FAF2: variants seen among roughly 807,000 people sequenced by gnomAD.
FAF2 encodes FAS-associated factor 2.
FAF2 carries 9 observed loss-of-function variants against 62.3 expected under a neutral mutation model. The observed-to-expected ratio is 0.14, with a 90% CI of 0.09 to 0.25. FAF2 has a LOEUF of 0.25. FAF2 is among the 10% of genes least tolerant of loss of function. The pLI is 1.00. For synonymous variants in FAF2, 202 were observed against 198.0 expected, an observed-to-expected ratio of 1.02 and a Z score of -0.17; for missense variants, 368 against 556.2, an observed-to-expected ratio of 0.66 and a Z score of 3.40.
At chr5:176,476,627 CTTTTTT>C (rs58104178) in intron 1 of FAF2, among the ~76,000 whole-genome samples, 1 of 95,046 alleles carries the variant, frequency 1.1e-5, no homozygotes, top group African/African-American at 4.4e-5. Flanking sequence ...ATTAGAGTCC[CTTTTTT>C]TTTTTTTTTT....
rs566604589 is a variant in FAF2, at chr5:176,452,912, A to G, written c.63+4442A>G. Among the ~76,000 whole-genome samples, 10 of 152,344 alleles carry G rather than the reference A, an allele frequency of 6.6e-5. No homozygotes were observed. In the South Asian group the frequency reaches 2.1e-3, roughly 32 times the overall value. On this transcript the variant is annotated intron_variant, in intron 1 of 10. Coordinates refer to ENST00000261942, the MANE Select transcript of FAF2 (RefSeq NM_014613.3). ...TCCACAGGGGTCAGTACAGAACAGGATGACACTGCTAGGAGTTGGTTCTCA... is the reference window on the plus strand; with the variant it reads ...TCCACAGGGGTCAGTACAGAACAGGGTGACACTGCTAGGAGTTGGTTCTCA...
rs945520606 is a variant in FAF2, at chr5:176,507,585, G to T, written c.*635G>T. 1 of 159,736 alleles carries T rather than the reference G, an allele frequency of 6.3e-6. No individual in the cohort carries two copies. Among genetic ancestry groups the T allele is most frequent in the Admixed American group, 6.5e-5 (1 of 15,370 alleles). 9.9% of individuals were successfully genotyped at this position (159,736 alleles called of 1,614,324 possible). On this transcript the variant is annotated 3_prime_UTR_variant, in exon 11 of 11. Coordinates refer to ENST00000261942, the MANE Select transcript of FAF2 (RefSeq NM_014613.3). ...TTAAACCCATGAGTTTATGCCCTGG[G>T]CTCCTTAGCCCACAATAGTGTAATA...
Position 176,473,076 on chromosome 5 carries a change from A to G in FAF2, c.64-6112A>G, listed in dbSNP as rs535681383. On this transcript the variant is annotated intron_variant, in intron 1 of 10. Transcript: ENST00000261942. Reference sequence around the variant, plus strand: ...TAGTATGGTACACTTGTCAAAATTGATGAACCAATATTGATACACTATTAT... The same window carrying G: ...TAGTATGGTACACTTGTCAAAATTGGTGAACCAATATTGATACACTATTAT... Among the ~76,000 whole-genome samples, 5 of 152,340 alleles carry G rather than the reference A, an allele frequency of 3.3e-5. No homozygotes were observed. The East Asian group carries it at 9.6e-4, about 29-fold the overall frequency.
rs751775026 is a variant in FAF2, at chr5:176,458,408, CTTTTTTTT to C, written c.63+9950_63+9957del. ...CAGAATAATATTTTTCTTTTTCTTC[CTTTTTTTT>C]TTTTTTTTTTTGAGACGGAGTCTCA... On this transcript the variant is annotated intron_variant, in intron 1 of 10. Transcript: ENST00000261942. Among the ~76,000 whole-genome samples, 176 of 86,392 alleles carry C rather than the reference CTTTTTTTT, an allele frequency of 2.0e-3. 1 individual carries two copies. The highest frequency in any genetic ancestry group is 7.4e-3 in the African/African-American group (166 of 22,300). 56.7% of individuals were successfully genotyped at this position (86,392 alleles called of 152,430 possible). A position where few individuals can be genotyped will look rare whatever the true frequency, so the allele number is the denominator to read the frequency against.
chr5:176,457,627 A>G (rs556890381), intron 1 of FAF2, among the ~76,000 whole-genome samples: 79 of 150,492 alleles, frequency 5.2e-4, no homozygotes, highest in Non-Finnish European at 5.6e-4. Context: ...CATAAAACTG[A>G]TTATTTGATT....
chr5:176,485,227 C>T (rs1758855717), intron 2 of FAF2, among the ~76,000 whole-genome samples: 3 of 152,154 alleles, frequency 2.0e-5, no homozygotes, highest in Admixed American at 6.6e-5. Context: ...GTATTGCCAA[C>T]CAGGGAAGCT....
chr5:176,492,364 T>C (rs200942498), intron 5 of FAF2, 32 bp downstream of exon 5: 8 of 1,590,358 alleles, frequency 5.0e-6, no homozygotes, highest in Middle Eastern at 1.7e-4. Flanking sequence ...GATGCCAACT[T>C]ACCGAAATGA....
At chr5:176,461,788 A>G (rs1000851556) in intron 1 of FAF2, among the ~76,000 whole-genome samples, 1 of 152,052 alleles carries the variant, frequency 6.6e-6, no homozygotes, top group African/African-American at 2.4e-5. Flanking sequence ...TACTGTGTAG[A>G]AGCTCTTCAG....
chr5:176,450,761 G>T (rs1758151947), intron 1 of FAF2, among the ~76,000 whole-genome samples: 1 of 152,098 alleles, frequency 6.6e-6, no homozygotes, highest in East Asian at 1.9e-4. Context: ...CACGATGTTG[G>T]CCAGGATGGT....
intron 10 of FAF2, among the ~76,000 whole-genome samples, chr5:176,506,015 C>A (rs565717234): frequency 5.3e-5 from 8 of 151,714 alleles, no homozygotes; most frequent in Non-Finnish European, 1.2e-4. Context: ...ACGGTGAAAC[C>A]CCATCTCTGC....
intron 10 of FAF2, among the ~76,000 whole-genome samples, chr5:176,505,023 GAAAAAA>G (rs571061959): frequency 8.2e-6 from 1 of 122,114 alleles, no homozygotes; most frequent in African/African-American, 3.1e-5. Flanking sequence ...ACCTGTCTGG[GAAAAAA>G]AAAAAAAAAA....
intron 1 of FAF2, among the ~76,000 whole-genome samples, chr5:176,450,556 C>CT (rs772435860): frequency 0.017 from 2,521 of 144,096 alleles, 49 homozygotes; most frequent in African/African-American, 0.042. Context: ...CTGTGGAGAT[C>CT]TTTTTTTTTT....
chr5:176,482,300 C>A (rs1461178965), intron 2 of FAF2, among the ~76,000 whole-genome samples: 1 of 151,768 alleles, frequency 6.6e-6, no homozygotes, highest in African/African-American at 2.4e-5. Context: ...TCACTGCAAC[C>A]TCCACGTCCC....
At chr5:176,466,126 G>C (rs148604378) in intron 1 of FAF2, among the ~76,000 whole-genome samples, 1,545 of 152,300 alleles carry the variant, frequency 0.01, 26 homozygotes, top group African/African-American at 0.034. Flanking sequence ...TGGAGTATCA[G>C]TAATTAAATG....
chr5:176,487,278 G>A (rs1432387840), intron 3 of FAF2, among the ~76,000 whole-genome samples: 1 of 152,012 alleles, frequency 6.6e-6, no homozygotes, highest in Non-Finnish European at 1.5e-5. Context: ...TAGACCTCCC[G>A]GGCTCAAGCA....
At chr5:176,497,636 T>G (rs1246386806) in intron 8 of FAF2, among the ~76,000 whole-genome samples, 4 of 152,218 alleles carry the variant, frequency 2.6e-5, no homozygotes, top group Non-Finnish European at 4.4e-5. Flanking sequence ...GTTACTATTA[T>G]AATTAGCATA....
At chr5:176,451,879 T>C (rs1581465715) in intron 1 of FAF2, among the ~76,000 whole-genome samples, 1 of 25,572 alleles carries the variant, frequency 3.9e-5, no homozygotes, top group African/African-American at 1.7e-4. Flanking sequence ...TACACACATA[T>C]ATATATATAT....
intron 10 of FAF2, among the ~76,000 whole-genome samples, 159 bp from the exon 11 acceptor site, chr5:176,506,609 A>G (rs1371715776): frequency 6.6e-6 from 1 of 152,184 alleles, no homozygotes; most frequent in Admixed American, 6.5e-5. Flanking sequence ...TGGGAAATGA[A>G]AAGATTAGAA....
At chr5:176,502,055 C>T (rs986943008) in intron 10 of FAF2, among the ~76,000 whole-genome samples, 1 of 152,120 alleles carries the variant, frequency 6.6e-6, no homozygotes, top group Middle Eastern at 3.4e-3. Context: ...CTGCACCTGG[C>T]CCCATGTCTC....
Sources: gnomAD v4.1 joint callset for allele counts (sites outside exome capture counted in the v4.1 genomes callset) on GRCh38, gnomAD v4.1.1 for gene constraint, MANE v1.5 for transcripts, NCBI Gene and HGNC (gene_info 2026-07-23, HGNC 2026-07-21) for gene names.